Variants in MLH3 observed in about 807,000 individuals in gnomAD.
MLH3 encodes mutL homolog 3, also known as DNA mismatch repair protein Mlh3.
Under a neutral mutation model 122.2 loss-of-function variants are expected in MLH3, and 82 were observed. That is an observed-to-expected ratio of 0.67 (90% confidence interval 0.56 to 0.81). MLH3 has a LOEUF of 0.81. Among genes scored for constraint, MLH3 ranks in the 30% least tolerant of loss-of-function variants. The pLI is 0.00. For synonymous variants in MLH3, 524 were observed against 599.5 expected (o/e 0.87, Z 1.84); for missense variants, 1,539 against 1,714.5 (o/e 0.90, Z 1.81).
At chr14:75,022,942 C>T in intron 10 of MLH3, 50 bp from the exon 11 acceptor site, 5 of 1,613,792 alleles carry the variant, frequency 3.1e-6, no homozygotes, top group Non-Finnish European at 4.2e-6. Context: ...AACAACGAAG[C>T]CTTTTATGTG....
intron 4 of MLH3, 84 bp from the exon 5 acceptor site, chr14:75,040,099 G>A (rs8019909): frequency 2.8e-6 from 2 of 712,108 alleles, no homozygotes; most frequent in Non-Finnish European, 4.9e-6. Context: ...TGCTTTAAAA[G>A]CATTCATTTT....
intron 6 of MLH3, among the ~76,000 whole-genome samples, chr14:75,033,918 G>A (rs1470210924): frequency 6.6e-6 from 1 of 152,106 alleles, no homozygotes; most frequent in Non-Finnish European, 1.5e-5. Flanking sequence ...GTCAGGGCTG[G>A]GTGCAGTGTC....
At chr14:75,022,126 G>A (rs1890320558) in intron 11 of MLH3, among the ~76,000 whole-genome samples, 1 of 152,148 alleles carries the variant, frequency 6.6e-6, no homozygotes. Context: ...AATACACATA[G>A]AAACAAAGAA....
At chr14:75,026,013 T>A (rs1444501835) in intron 9 of MLH3, among the ~76,000 whole-genome samples, 1 of 152,156 alleles carries the variant, frequency 6.6e-6, no homozygotes, top group Non-Finnish European at 1.5e-5. Flanking sequence ...TCCTCTCTAC[T>A]CCCTCTGCTA....
chr14:75,023,458 C>A (rs1483907076), intron 9 of MLH3, among the ~76,000 whole-genome samples: 2 of 152,194 alleles, frequency 1.3e-5, no homozygotes, highest in Non-Finnish European at 2.9e-5. Flanking sequence ...CTCAGTATAA[C>A]ACTTGCTTAA....
chr14:75,027,686 A>C (rs867655214), intron 9 of MLH3, among the ~76,000 whole-genome samples: 10 of 149,586 alleles, frequency 6.7e-5, no homozygotes, highest in Non-Finnish European at 1.2e-4. Context: ...AAAAAAAAAA[A>C]AAAAAAAACC....
chr14:75,047,401 C>T lies in MLH3; in HGVS notation c.2255G>A (p.Gly752Glu), dbSNP rs944842929. 6.2e-7 allele frequency: 1 copy of T among 1,614,090 alleles called. No homozygotes were observed. The highest frequency in any genetic ancestry group is 2.2e-5 in the East Asian group (1 of 44,878). The change falls in exon 2 of 13, where the codon GGA (glycine) becomes GAA (glutamate). Residue 752 changes from glycine to glutamate, a missense_variant. Coordinates refer to ENST00000355774, the MANE Select transcript of MLH3 (RefSeq NM_001040108.2). ...RKKLSLSSQL[G>E]SLEKFKRQYG... ...TTGCCTCTTAAACTTCTCTAAAGATCCTAGCTGTGAACTCAAGCTTAGCTT... is the reference window on the plus strand; with the variant it reads ...TTGCCTCTTAAACTTCTCTAAAGATTCTAGCTGTGAACTCAAGCTTAGCTT...
At position 75,048,548 on chromosome 14, in the gene MLH3, C is replaced by G; in HGVS notation, c.1108G>C (p.Gly370Arg). 6.2e-7 allele frequency: 1 copy of G among 1,613,208 alleles called. No homozygotes were observed. Residue 370 changes from glycine to arginine, a missense_variant, in exon 2 of 13, where the codon GGT (glycine) becomes CGT (arginine). Gly to Arg is a moderately radical substitution (Grantham distance 125). Coordinates refer to ENST00000355774, the MANE Select transcript of MLH3 (RefSeq NM_001040108.2). The part of the protein sequence containing the change: ...EDIKEFSEDN[G>R]FSLFDATLQK... ...AGAGTAGCATCAAATAAACTAAAAC[C>G]ATTATCTTCACTAAATTCCTTAATA...
At chr14:75,021,809 C>T (rs1405201531) in intron 11 of MLH3, among the ~76,000 whole-genome samples, 1 of 152,162 alleles carries the variant, frequency 6.6e-6, no homozygotes, top group Non-Finnish European at 1.5e-5. Context: ...ACCATTCAAC[C>T]CAGTAATCCT....
chr14:75,048,991 T>A lies in MLH3; in HGVS notation c.665A>T (p.Lys222Met). The A allele has an allele frequency of 6.2e-7, 1 of 1,614,084 alleles. No homozygotes were observed. The highest frequency in any genetic ancestry group is 8.5e-7 in the Non-Finnish European group (1 of 1,179,986). Residue 222 changes from lysine to methionine, a missense_variant, in exon 2 of 13, where the codon AAG (lysine) becomes ATG (methionine). Transcript: ENST00000355774. ...ATATTTAAAACTTATTTCTCTTAGC[T>A]TTTGGGACTTTCCCAATCCATAAAT... ...CQIYGLGKSQ[K>M]LREISFKYKE...
chr14:75,028,238 A>G (rs1335562709), intron 9 of MLH3, among the ~76,000 whole-genome samples: 2 of 152,274 alleles, frequency 1.3e-5, no homozygotes, highest in East Asian at 3.9e-4. Flanking sequence ...TCATATTTGG[A>G]ATGCAATCTA....
chr14:75,031,896 C>T (rs1050267288), intron 8 of MLH3, among the ~76,000 whole-genome samples, 172 bp downstream of exon 8: 7 of 152,180 alleles, frequency 4.6e-5, no homozygotes, highest in Admixed American at 1.3e-4. Context: ...TGGAGTCAGA[C>T]GACCTGCCTT....
In MLH3 at chr14:75,046,611, G is replaced by T. The variant is rs771541032; in HGVS notation, c.3045C>A (p.Asp1015Glu). ...LMNPVEDATG[D>E]QNGICFQSEE... ...CACTCTGAAAACAAATTCCATTTTG[G>T]TCACCTGTGGCATCTTCTACCGGAT... The change falls in exon 2 of 13, where the codon GAC becomes GAA. Residue 1015 changes from aspartate to glutamate, a missense_variant. Physicochemically the swap from Asp to Glu is conservative, Grantham distance 45. Coordinates refer to ENST00000355774, the MANE Select transcript of MLH3 (RefSeq NM_001040108.2). The T allele has an allele frequency of 1.9e-6, 3 of 1,614,028 alleles. No homozygotes were observed. The highest frequency in any genetic ancestry group is 2.5e-6 in the Non-Finnish European group (3 of 1,180,032).
At chr14:75,034,065 C>T (rs546129131) in intron 6 of MLH3, among the ~76,000 whole-genome samples, 26 of 152,050 alleles carry the variant, frequency 1.7e-4, no homozygotes, top group Admixed American at 6.6e-4. Context: ...TGGTGGCACG[C>T]GCCTGTAGTT....
At chr14:75,043,827 C>T (rs1400564085) in intron 2 of MLH3, among the ~76,000 whole-genome samples, 3 of 152,192 alleles carry the variant, frequency 2.0e-5, no homozygotes, top group Admixed American at 6.5e-5. Flanking sequence ...TGGTGGCTCA[C>T]GCCTGTAATC....
In MLH3 at chr14:75,016,407, A is replaced by C. The variant is rs1445631633; in HGVS notation, c.*675T>G. The C allele has an allele frequency of 5.2e-6, 1 of 193,856 alleles. No individual in the cohort carries two copies. Among genetic ancestry groups the C allele is most frequent in the African/African-American group, 2.3e-5 (1 of 43,166 alleles). 12.0% of individuals were successfully genotyped at this position (193,856 alleles called of 1,614,324 possible). On this transcript the variant is annotated 3_prime_UTR_variant, in exon 13 of 13. Coordinates refer to ENST00000355774, the MANE Select transcript of MLH3 (RefSeq NM_001040108.2). ...TTGGGATATTGAACATCAGTCTCTGAGTTTTTAAAGAAAACATAACAAAAA... is the reference window on the plus strand; with the variant it reads ...TTGGGATATTGAACATCAGTCTCTGCGTTTTTAAAGAAAACATAACAAAAA...
chr14:75,048,233 T>A lies in MLH3; in HGVS notation c.1423A>T (p.Thr475Ser). The change falls in exon 2 of 13, where the codon ACA (threonine) becomes TCA (serine). Residue 475 changes from threonine (T) to serine (S), a missense_variant. Transcript: ENST00000355774. ...TCTCCAGCTTCTGATGCTACAATTG[T>A]CTCTTGTTCTAACATCTTTGATTCT... Reference protein sequence around the residue: ...CSESKMLEQETIVASEAGENE... With the variant: ...CSESKMLEQESIVASEAGENE... 6.2e-7 allele frequency: 1 copy of A among 1,613,782 alleles called. No homozygotes were observed. The highest frequency in any genetic ancestry group is 8.5e-7 in the Non-Finnish European group (1 of 1,179,914).
chr14:75,040,220 C>T (rs933073560), intron 4 of MLH3, among the ~76,000 whole-genome samples: 4 of 151,336 alleles, frequency 2.6e-5, no homozygotes, highest in African/African-American at 7.3e-5. Flanking sequence ...GAGGCTGAGG[C>T]GGGCAGATCA....
At chr14:75,023,222 G>T (rs1271710575) in intron 9 of MLH3, among the ~76,000 whole-genome samples, 1 of 152,112 alleles carries the variant, frequency 6.6e-6, no homozygotes, top group East Asian at 1.9e-4. Flanking sequence ...AACTCTTATT[G>T]AACACAGAAT....
Sources: gnomAD v4.1 joint callset for allele counts (sites outside exome capture counted in the v4.1 genomes callset) on GRCh38, gnomAD v4.1.1 for gene constraint, MANE v1.5 for transcripts, NCBI Gene and HGNC (gene_info 2026-07-23, HGNC 2026-07-21) for gene names.